Variants in SAMD12 observed in about 807,000 individuals in gnomAD.
SAMD12 encodes sterile alpha motif domain-containing protein 12.
SAMD12 carries 9 observed loss-of-function variants against 15.0 expected under a neutral mutation model. The observed-to-expected ratio is 0.60, with a 90% CI of 0.36 to 1.05. The LOEUF (loss-of-function observed/expected upper bound fraction) is 1.05, where lower values mean the gene tolerates loss of function less well. Among genes scored for constraint, SAMD12 ranks in the 50% least tolerant of loss-of-function variants. The pLI is 0.01. For missense variants in SAMD12, 230 were observed against 234.2 expected (o/e 0.98, Z 0.12); for synonymous variants, 86 against 90.1 (o/e 0.96, Z 0.25).
At chr8:118,464,065 C>A (rs1288653636) in intron 2 of SAMD12, among the ~76,000 whole-genome samples, 2 of 152,104 alleles carry the variant, frequency 1.3e-5, no homozygotes, top group African/African-American at 4.8e-5. Context: ...ATAAGAGCAA[C>A]AGTGTTGCTA....
chr8:118,199,134 G>A (rs1263176271), intron 4 of SAMD12, among the ~76,000 whole-genome samples: 1 of 152,102 alleles, frequency 6.6e-6, no homozygotes, highest in Non-Finnish European at 1.5e-5. Flanking sequence ...TATATGCATA[G>A]AAAAGAACTG....
chr8:118,152,454 C>CCTCCCTTCCTT, the SAMD12 span, among the ~76,000 whole-genome samples: 8 of 144,274 alleles, frequency 5.5e-5, no homozygotes, highest in Admixed American at 7.0e-5. Context: ...CTCCCTCCCT[C>CCTCCCTTCCTT]CCTACCTTCC....
chr8:118,334,435 A>G (rs1816957052), intron 4 of SAMD12, among the ~76,000 whole-genome samples: 1 of 152,008 alleles, frequency 6.6e-6, no homozygotes, highest in East Asian at 1.9e-4. Flanking sequence ...TATGTAGGAG[A>G]TTCATCACAA....
intron 2 of SAMD12, among the ~76,000 whole-genome samples, chr8:118,545,455 G>A (rs952095223): frequency 4.6e-5 from 7 of 152,094 alleles, no homozygotes; most frequent in African/African-American, 1.4e-4. Flanking sequence ...TGACAAGAGT[G>A]AGAGTCCATC....
intron 4 of SAMD12, among the ~76,000 whole-genome samples, chr8:118,253,646 A>G (rs1327218263): frequency 6.6e-6 from 1 of 152,062 alleles, no homozygotes; most frequent in African/African-American, 2.4e-5. Flanking sequence ...AGAGTGGTGC[A>G]TTTTCTGTGC....
At chr8:118,555,987 G>C (rs539063283) in intron 2 of SAMD12, among the ~76,000 whole-genome samples, 2 of 152,306 alleles carry the variant, frequency 1.3e-5, no homozygotes, top group Non-Finnish European at 2.9e-5. Flanking sequence ...CTTATCGTTA[G>C]TGATGTTCTA....
chr8:118,478,546 C>G (rs1371441625), intron 2 of SAMD12, among the ~76,000 whole-genome samples: 1 of 152,228 alleles, frequency 6.6e-6, no homozygotes, highest in Non-Finnish European at 1.5e-5. Flanking sequence ...AAATAGTCAT[C>G]ATGACAACTC....
chr8:118,215,247 C>T (rs553678289), intron 4 of SAMD12, among the ~76,000 whole-genome samples: 7 of 152,216 alleles, frequency 4.6e-5, no homozygotes, highest in Admixed American at 1.3e-4. Context: ...CATTTGTTTA[C>T]GTATTGTCTT....
chr8:118,298,079 T>C (rs975246328), intron 4 of SAMD12, among the ~76,000 whole-genome samples: 1 of 2,610 alleles, frequency 3.8e-4, no homozygotes, highest in African/African-American at 4.9e-3. Flanking sequence ...CACACCTACC[T>C]GGTATTTATT....
At chr8:118,481,381 G>A (rs755041395) in intron 2 of SAMD12, among the ~76,000 whole-genome samples, 44 of 152,292 alleles carry the variant, frequency 2.9e-4, no homozygotes, top group Admixed American at 3.9e-4. Flanking sequence ...TTCTCAGCGT[G>A]TAGTAGGAGC....
intron 1 of SAMD12, among the ~76,000 whole-genome samples, chr8:118,607,947 G>A (rs1828021173): frequency 6.6e-6 from 1 of 152,036 alleles, no homozygotes; most frequent in South Asian, 2.1e-4. Flanking sequence ...TATAAACACT[G>A]TCAAATATTT....
chr8:118,536,437 TACACAA>T (rs1172971643), intron 2 of SAMD12, among the ~76,000 whole-genome samples: 2,237 of 128,236 alleles, frequency 0.017, 75 homozygotes, highest in African/African-American at 0.058. Context: ...TGTAGACTGA[TACACAA>T]ACACACACAC....
chr8:118,273,864 G>T (rs1813419528), intron 4 of SAMD12, among the ~76,000 whole-genome samples: 1 of 152,166 alleles, frequency 6.6e-6, no homozygotes, highest in South Asian at 2.1e-4. Flanking sequence ...AGGAACAGTT[G>T]TCTCCAGGAG....
chr8:118,562,304 A>G (rs1327204363), intron 2 of SAMD12, among the ~76,000 whole-genome samples: 1 of 152,250 alleles, frequency 6.6e-6, no homozygotes, highest in Admixed American at 6.5e-5. Context: ...CCTGAAGATA[A>G]GGATCGGCTG....
intron 4 of SAMD12, among the ~76,000 whole-genome samples, chr8:118,250,809 A>C (rs943373434): frequency 3.9e-5 from 6 of 151,996 alleles, no homozygotes; most frequent in Admixed American, 1.3e-4. Context: ...CTCACCAAAA[A>C]ATGGAGATCA....
At chr8:118,301,446 T>C (rs1047285981) in intron 4 of SAMD12, among the ~76,000 whole-genome samples, 3 of 152,144 alleles carry the variant, frequency 2.0e-5, no homozygotes, top group African/African-American at 7.2e-5. Flanking sequence ...CAAAAGCAGC[T>C]CAGCCATCAT....
intron 2 of SAMD12, among the ~76,000 whole-genome samples, chr8:118,499,998 T>C (rs1298077778): frequency 6.9e-6 from 1 of 144,578 alleles, no homozygotes; most frequent in Non-Finnish European, 1.5e-5. Flanking sequence ...TAGACAGTGA[T>C]CTGTACGGTC....
the SAMD12 span, among the ~76,000 whole-genome samples, chr8:118,180,321 C>T: frequency 4.6e-5 from 7 of 152,152 alleles, no homozygotes; most frequent in African/African-American, 7.2e-5. Flanking sequence ...GTTTGACAAA[C>T]GATAGATGAG....
At chr8:118,294,448 G>C (rs765896194) in intron 4 of SAMD12, among the ~76,000 whole-genome samples, 3 of 152,198 alleles carry the variant, frequency 2.0e-5, no homozygotes, top group Non-Finnish European at 4.4e-5. Flanking sequence ...TTCTTCACCA[G>C]TCGGGTTGGG....
Sources: gnomAD v4.1 joint callset for allele counts (sites outside exome capture counted in the v4.1 genomes callset) on GRCh38, gnomAD v4.1.1 for gene constraint, MANE v1.5 for transcripts, NCBI Gene and HGNC (gene_info 2026-07-23, HGNC 2026-07-21) for gene names.